Variants in NDUFAB1 observed in about 807,000 individuals in gnomAD.
The protein encoded by NDUFAB1 is NADH:ubiquinone oxidoreductase subunit AB1, also known as acyl carrier protein, mitochondrial.
Under a neutral mutation model 16.1 loss-of-function variants are expected in NDUFAB1, and 5 were observed. That is an observed-to-expected ratio of 0.31 (90% CI 0.16 to 0.65). The LOEUF is 0.65. Among genes scored for constraint, NDUFAB1 ranks in the 30% least tolerant of loss-of-function variants. The pLI is 0.77. For synonymous variants in NDUFAB1, 85 were observed against 78.4 expected (o/e 1.08, Z -0.44); for missense variants, 187 against 205.3 (o/e 0.91, Z 0.54).
At chr16:23,587,934 A>G (rs569432790) in intron 1 of NDUFAB1, among the ~76,000 whole-genome samples, 1 of 152,250 alleles carries the variant, frequency 6.6e-6, no homozygotes, top group African/African-American at 2.4e-5. Flanking sequence ...CCTCATGGCC[A>G]CCAGCCAAAC....
rs867650117 is a variant in NDUFAB1, at chr16:23,587,287, C to T, written c.201G>A (p.Gln67=). The T allele has an allele frequency of 6.2e-7, 1 of 1,614,120 alleles. No individual in the cohort carries two copies. Among genetic ancestry groups the T allele is most frequent in the African/African-American group, 1.3e-5 (1 of 75,054 alleles). Residue 67 remains glutamine (Q), a synonymous_variant, in exon 2 of 5, where the codon CAG becomes CAA. Transcript: ENST00000007516. ...VPGRVTQLCR[Q]YSDMPPLTLE... is the part of the protein sequence containing the mutation. ...ACGTCAAAGGAGGCATGTCGCTATA[C>T]TGGCGGCACAACTGTGTAACTCTAC...
intron 3 of NDUFAB1, among the ~76,000 whole-genome samples, chr16:23,585,008 A>T (rs111377213): frequency 6.6e-6 from 1 of 152,264 alleles, no homozygotes; most frequent in Admixed American, 6.5e-5. Flanking sequence ...ACATGTCATC[A>T]GCATGTGTTC....
In NDUFAB1 at chr16:23,595,143, CG is replaced by C. The variant is rs200427402; in HGVS notation, c.168+979del. 8.1e-3 allele frequency among the ~76,000 whole-genome samples: 1,229 copies of C among 151,974 alleles called. 16 individuals are homozygous for C. The highest frequency in any genetic ancestry group is 0.028 in the African/African-American group (1,175 of 41,438). ...GCGGGCGCCTGTAGTCCCAAATACT[CG>C]GGGGGGCTGAGGGAGGAGAATTGCT... On this transcript the variant is annotated intron_variant, in intron 1 of 4. Transcript: ENST00000007516.
chr16:23,589,989 G>C (rs958560521), intron 1 of NDUFAB1, among the ~76,000 whole-genome samples: 1 of 151,430 alleles, frequency 6.6e-6, no homozygotes, highest in Non-Finnish European at 1.5e-5. Context: ...GCCAGGTGTG[G>C]TGGCTCACGC....
chr16:23,582,541 G>A (rs1315222962), intron 3 of NDUFAB1, among the ~76,000 whole-genome samples, 166 bp from the exon 4 acceptor site: 2 of 151,538 alleles, frequency 1.3e-5, no homozygotes, highest in Admixed American at 6.6e-5. Context: ...TATGCATACA[G>A]GTTGGGTACG....
chr16:23,592,562 A>T (rs1400683567), intron 1 of NDUFAB1, among the ~76,000 whole-genome samples: 1 of 152,102 alleles, frequency 6.6e-6, no homozygotes. Context: ...TGCTGTCTTC[A>T]TCTGCGTACC....
At chr16:23,585,891 A>G (rs748676935) in intron 2 of NDUFAB1, among the ~76,000 whole-genome samples, 1 of 152,214 alleles carries the variant, frequency 6.6e-6, no homozygotes, top group Non-Finnish European at 1.5e-5. Flanking sequence ...GAAGTGAACA[A>G]TATATACATA....
In NDUFAB1 at chr16:23,596,197, G is replaced by C. The variant is rs1567410714; in HGVS notation, c.94C>G (p.Leu32Val). The C allele has an allele frequency of 1.2e-6, 2 of 1,610,666 alleles. No individual in the cohort carries two copies. Among genetic ancestry groups the C allele is most frequent in the African/African-American group, 1.3e-5 (1 of 74,542 alleles). The change falls in exon 1 of 5, where the codon CTC (leucine) becomes GTC (valine). Residue 32 changes from leucine to valine, a missense_variant. Leu to Val is a conservative substitution (Grantham distance 32). This residue lies in a region of NDUFAB1 where 135 missense variants were observed against 129.4 expected (regional missense o/e 1.04). Transcript: ENST00000007516. ...RVRMLAVARP[L>V]STALCSAGTQ... is the part of the protein sequence containing the mutation. Reference sequence around the variant, plus strand: ...CCCGCGGAGCAGAGAGCGGTGCTGAGAGGCCGGGCCACGGCCAGCATCCGG... The same window carrying C: ...CCCGCGGAGCAGAGAGCGGTGCTGACAGGCCGGGCCACGGCCAGCATCCGG...
At chr16:23,595,971 A>C in intron 1 of NDUFAB1, 152 bp downstream of exon 1, 1 of 954,206 alleles carries the variant, frequency 1.0e-6, no homozygotes, top group South Asian at 1.8e-5. Flanking sequence ...GGGGTCAACT[A>C]AACACCTTTA....
intron 3 of NDUFAB1, 45 bp from the exon 4 acceptor site, chr16:23,582,420 A>T (rs1236963468): frequency 1.3e-6 from 2 of 1,495,866 alleles, no homozygotes; most frequent in Non-Finnish European, 8.9e-7. Context: ...AAAAAAAAAA[A>T]ATCCTTTAGA....
chr16:23,581,888 C>A (rs1196040013), intron 4 of NDUFAB1: 1 of 154,298 alleles, frequency 6.5e-6, no homozygotes, highest in African/African-American at 2.4e-5. Context: ...AGTCCATCCT[C>A]TTATACATGA....
At chr16:23,584,908 G>A (rs1966220254) in intron 3 of NDUFAB1, among the ~76,000 whole-genome samples, 2 of 152,214 alleles carry the variant, frequency 1.3e-5, no homozygotes, top group Non-Finnish European at 2.9e-5. Flanking sequence ...GCCAGGATAG[G>A]AGACCAAGGC....
rs761395705 is a variant in NDUFAB1 at position 23,585,294 on chromosome 16, TA to T, written c.379+41del. 3.6e-6 allele frequency: 5 copies of T among 1,400,884 alleles called. No individual in the cohort carries two copies. In the Admixed American group the frequency reaches 8.6e-5, roughly 24 times the overall value. The allele number at this position is 1,400,884 out of a possible 1,614,324, so 86.8% of individuals were successfully genotyped here. ...CCACTTCTTTCAGTTTAATCCACCT[TA>T]ATCAAAAATCGCAGTGTGTAGATAG... On this transcript the variant is annotated intron_variant, in intron 3 of 4. Transcript: ENST00000007516.
At chr16:23,586,630 G>A (rs903807434) in intron 2 of NDUFAB1, among the ~76,000 whole-genome samples, 1 of 151,650 alleles carries the variant, frequency 6.6e-6, no homozygotes, top group Non-Finnish European at 1.5e-5. Context: ...ACCACGCCCG[G>A]CCCCACTTGT....
Position 23,587,187 on chromosome 16 carries a change from C to G in NDUFAB1, c.291+10G>C, listed in dbSNP as rs548284530. The G allele has an allele frequency of 6.2e-7, 1 of 1,606,496 alleles. No individual in the cohort carries two copies. Among genetic ancestry groups the G allele is most frequent in the African/African-American group, 1.3e-5 (1 of 74,510 alleles). On this transcript the variant is annotated intron_variant, in intron 2 of 4. Transcript: ENST00000007516. ...ATTTAAAGAAAAAAATTCAAACCAC[C>G]ATCAGTTACCTTCTCTGGGTCAATC...
At position 23,593,663 on chromosome 16, in the gene NDUFAB1, G is replaced by A. The variant is rs139801734; in HGVS notation, c.168+2460C>T. Among the ~76,000 whole-genome samples the A allele has an allele frequency of 1.3e-3, 193 of 152,226 alleles. 2 individuals carry two copies. Among genetic ancestry groups the A allele is most frequent in the African/African-American group, 4.2e-3 (173 of 41,530 alleles). On this transcript the variant is annotated intron_variant, in intron 1 of 4. Coordinates refer to ENST00000007516, the MANE Select transcript of NDUFAB1 (RefSeq NM_005003.3). ...GATCTTCTGGAAGCCCACTGGAGGT[G>A]GAAACTCTCTGGCCCCTTCCCAGAA...
chr16:23,588,938 G>A (rs1966255745), intron 1 of NDUFAB1, among the ~76,000 whole-genome samples: 1 of 151,602 alleles, frequency 6.6e-6, no homozygotes, highest in African/African-American at 2.4e-5. Context: ...CTGTGCCACT[G>A]CACTCCACCT....
chr16:23,584,468 ATT>A (rs1353398232), intron 3 of NDUFAB1, among the ~76,000 whole-genome samples: 2 of 141,340 alleles, frequency 1.4e-5, no homozygotes, highest in Non-Finnish European at 3.1e-5. Context: ...TCACCCATGC[ATT>A]TTTTTTTTTA....
intron 4 of NDUFAB1, among the ~76,000 whole-genome samples, chr16:23,581,672 T>G (rs963035610): frequency 6.6e-6 from 1 of 152,234 alleles, no homozygotes; most frequent in African/African-American, 2.4e-5. Flanking sequence ...TACTATTTAC[T>G]GAGAGGCTTC....
Sources: allele counts gnomAD v4.1 joint callset (sites outside exome capture counted in the v4.1 genomes callset), GRCh38; gene constraint gnomAD v4.1.1; regional missense constraint gnomAD v4.1.1; transcripts MANE v1.5; gene names NCBI Gene and HGNC (gene_info 2026-07-23, HGNC 2026-07-21).